RNASEL: variants seen among roughly 807,000 people sequenced by gnomAD.
RNASEL encodes the protein ribonuclease L, also known as 2-5A-dependent ribonuclease.
Under a neutral mutation model 50.9 loss-of-function variants are expected in RNASEL, and 36 were observed. The observed-to-expected ratio is 0.71, with a 90% confidence interval of 0.54 to 0.93. The LOEUF (loss-of-function observed/expected upper bound fraction) is 0.93. RNASEL is among the 40% of genes least tolerant of loss of function. RNASEL has a pLI of 0.00. For synonymous variants in RNASEL, 335 were observed against 335.6 expected (o/e 1.00, Z 0.02); for missense variants, 860 against 894.5 (o/e 0.96, Z 0.49).
chr1:182,573,975 T>C lies in RNASEL; in HGVS notation c.*1417A>G. On this transcript the variant is annotated 3_prime_UTR_variant, in exon 7 of 7. Transcript: ENST00000367559. ...TTGTTCAAATCAAGATAGTAACACT[T>C]CCTAGCTATACGTCCTAGAGGAAAT... 1 of 200,266 alleles carries C rather than the reference T, an allele frequency of 5.0e-6. No homozygotes were observed. The highest frequency in any genetic ancestry group is 1.7e-3 in the Middle Eastern group (1 of 594). 12.4% of individuals were successfully genotyped at this position (200,266 alleles called of 1,614,324 possible).
chr1:182,588,328 TAC>T (rs1299297661), intron 1 of RNASEL, among the ~76,000 whole-genome samples: 1 of 152,210 alleles, frequency 6.6e-6, no homozygotes, highest in African/African-American at 2.4e-5. Flanking sequence ...CAAAAATAAA[TAC>T]AGTCATGTGT....
Position 182,586,824 on chromosome 1 carries a change from G to C in RNASEL, c.-18C>G, listed in dbSNP as rs2102372950. 1 of 1,613,790 alleles carries C rather than the reference G, an allele frequency of 6.2e-7. No homozygotes were observed. Among genetic ancestry groups the C allele is most frequent in the Non-Finnish European group, 8.5e-7 (1 of 1,180,016 alleles). ...CTCTCCATGACGGTAAATGCCACCT[G>C]CTACCACTTTTAGCCTTTTCCTTGA... On this transcript the variant is annotated 5_prime_UTR_variant, in exon 2 of 7. Coordinates refer to ENST00000367559, the MANE Select transcript of RNASEL (RefSeq NM_021133.4).
At position 182,582,278 on chromosome 1, in the gene RNASEL, C is replaced by T. The variant is rs1162962915; in HGVS notation, c.1567-20G>A. ...AAGGTCCTGCACAAAAGCCATAAAT[C>T]AAGCCAAAGATGCTTACTAATTATT... On this transcript the variant is annotated intron_variant, in intron 3 of 6. Transcript: ENST00000367559. The T allele has an allele frequency of 1.2e-6, 2 of 1,613,918 alleles. No homozygotes were observed. The highest frequency in any genetic ancestry group is 2.2e-5 in the East Asian group (1 of 44,886).
chr1:182,585,241 C>T (rs893148212), intron 2 of RNASEL, 86 bp downstream of exon 2: 1 of 1,297,424 alleles, frequency 7.7e-7, no homozygotes, highest in Non-Finnish European at 1.1e-6. Flanking sequence ...TTACTCTAGG[C>T]CTTTCCTCTC....
At chr1:182,581,473 C>CTTTTTTTTTTTTTT (rs1011639686) in intron 4 of RNASEL, 116 bp from the exon 5 acceptor site, 13 of 294,826 alleles carry the variant, frequency 4.4e-5, no homozygotes, top group Admixed American at 1.3e-4. Context: ...GTTTTTCTTT[C>CTTTTTTTTTTTTTT]TTTTTTTTTT....
chr1:182,582,103 C>T lies in RNASEL; in HGVS notation c.1722G>A (p.Arg574=), dbSNP rs1471190088. 6.2e-7 allele frequency: 1 copy of T among 1,614,076 alleles called. No individual in the cohort carries two copies. Among genetic ancestry groups the T allele is most frequent in the Non-Finnish European group, 8.5e-7 (1 of 1,180,038 alleles). The part of the protein sequence containing the change: ...HRLFHPGEHV[R]DCLSDLLGHP... ...GACCCAGCAGGTCACTCAGACAGTC[C>T]CTCACATGTTCCCCAGGATGGAAGA... Residue 574 remains arginine, a synonymous_variant, in exon 4 of 7, where the codon AGG becomes AGA. Transcript: ENST00000367559.
At chr1:182,580,170 TA>T (rs1661465232) in intron 5 of RNASEL, among the ~76,000 whole-genome samples, 1 of 152,250 alleles carries the variant, frequency 6.6e-6, no homozygotes, top group Non-Finnish European at 1.5e-5. Flanking sequence ...TTCTACAAGT[TA>T]AAATTTTAGC....
intron 5 of RNASEL, among the ~76,000 whole-genome samples, chr1:182,577,782 T>C (rs1345988705): frequency 6.6e-6 from 1 of 151,976 alleles, no homozygotes; most frequent in Admixed American, 6.6e-5. Flanking sequence ...GGTATAAAAA[T>C]AGACACATAG....
At chr1:182,576,103 C>G (rs932327857) in intron 6 of RNASEL, among the ~76,000 whole-genome samples, 153 bp downstream of exon 6, 2 of 152,218 alleles carry the variant, frequency 1.3e-5, no homozygotes, top group Non-Finnish European at 2.9e-5. Flanking sequence ...TGTAAGGCAA[C>G]AGTGATAGCC....
chr1:182,578,842 G>A (rs1254472599), intron 5 of RNASEL: 1 of 152,184 alleles, frequency 6.6e-6, no homozygotes, highest in Non-Finnish European at 1.5e-5. Context: ...CCACCTAAGT[G>A]TCCATCAACA....
chr1:182,586,403 T>C lies in RNASEL; in HGVS notation c.404A>G (p.Tyr135Cys). Reference protein sequence around the residue: ...GFTAFMEAAVYGKVKALKFLY... With the variant: ...GFTAFMEAAVCGKVKALKFLY... ...GAATTTTAGGGCTTTGACCTTACCA[T>C]ACACAGCGGCTTCCATGAAGGCTGT... The change falls in exon 2 of 7, where the codon TAT becomes TGT. Residue 135 changes from tyrosine to cysteine, a missense_variant. Coordinates refer to ENST00000367559, the MANE Select transcript of RNASEL (RefSeq NM_021133.4). 6.2e-7 allele frequency: 1 copy of C among 1,614,190 alleles called. No individual in the cohort carries two copies. The highest frequency in any genetic ancestry group is 1.3e-5 in the African/African-American group (1 of 75,052).
chr1:182,577,738 T>C (rs1424939100), intron 5 of RNASEL, among the ~76,000 whole-genome samples: 1 of 152,128 alleles, frequency 6.6e-6, no homozygotes, highest in Non-Finnish European at 1.5e-5. Flanking sequence ...CCAATTATTG[T>C]GCAAGGCTAA....
chr1:182,578,144 A>G (rs942060503), intron 5 of RNASEL: 2 of 152,218 alleles, frequency 1.3e-5, no homozygotes, highest in African/African-American at 2.4e-5. Flanking sequence ...GGGTTTAATT[A>G]AACTAAAAAC....
intron 4 of RNASEL, 150 bp downstream of exon 4, chr1:182,581,903 G>T: frequency 2.6e-6 from 2 of 756,780 alleles, no homozygotes; most frequent in South Asian, 2.9e-5. Context: ...CTCCAGAGAG[G>T]TTAAGTCATC....
At position 182,573,866 on chromosome 1, in the gene RNASEL, G is replaced by C. The variant is rs1661336231; in HGVS notation, c.*1526C>G. 5.2e-6 allele frequency: 1 copy of C among 194,164 alleles called. No individual in the cohort carries two copies. Among genetic ancestry groups the C allele is most frequent in the Non-Finnish European group, 1.1e-5 (1 of 93,348 alleles). The allele number at this position is 194,164 out of a possible 1,614,324, so 12.0% of individuals were successfully genotyped here. A position where few individuals can be genotyped will look rare whatever the true frequency, so the allele number is the denominator to read the frequency against. On this transcript the variant is annotated 3_prime_UTR_variant, in exon 7 of 7. Transcript: ENST00000367559. ...ACCTCCTTTTCAGAAAGAACCTAAG[G>C]TACTGTTTTATTCCCATTACAAAGC...
chr1:182,581,842 G>A lies in RNASEL; in HGVS notation c.1772+211C>T, dbSNP rs1046472485. 9.9e-5 allele frequency among the ~76,000 whole-genome samples: 15 copies of A among 152,074 alleles called. 1 individual carries two copies. Among genetic ancestry groups the A allele is most frequent in the South Asian group, 2.1e-4 (1 of 4,826 alleles). On this transcript the variant is annotated intron_variant, in intron 4 of 6. Coordinates refer to ENST00000367559, the MANE Select transcript of RNASEL (RefSeq NM_021133.4). ...TTCAAAAATTCTGCATGATAGGAGA[G>A]GCAAGCATCTCTTTTTTTCCCCTCC...
Position 182,574,741 on chromosome 1 carries a change from T to C in RNASEL, c.*651A>G, listed in dbSNP as rs951242154. ...GCAAAATTGCCCCCCAGTTGAGAAC[T>C]ACTGCCTTAAGGTCATGGAAAACCA... On this transcript the variant is annotated 3_prime_UTR_variant, in exon 7 of 7. Transcript: ENST00000367559. 5.6e-5 allele frequency: 13 copies of C among 232,348 alleles called. No individual in the cohort carries two copies. The highest frequency in any genetic ancestry group is 9.3e-5 in the Non-Finnish European group (11 of 117,850). 14.4% of individuals were successfully genotyped at this position (232,348 alleles called of 1,614,324 possible).
At position 182,575,336 on chromosome 1, in the gene RNASEL, T is replaced by A. The variant is rs149140894; in HGVS notation, c.*56A>T. 3.8e-6 allele frequency: 6 copies of A among 1,579,324 alleles called. No individual in the cohort carries two copies. Among genetic ancestry groups the A allele is most frequent in the Non-Finnish European group, 4.3e-6 (5 of 1,149,680 alleles). On this transcript the variant is annotated 3_prime_UTR_variant, in exon 7 of 7. Coordinates refer to ENST00000367559, the MANE Select transcript of RNASEL (RefSeq NM_021133.4). The stretch of plus-strand genomic sequence containing the variant: ...GTTAAAAGGCCCAGAATGTTGTGAT[T>A]TGCCAAGGACTCTACAGCTAATAAG...
At chr1:182,581,174 C>T (rs538587758) in intron 5 of RNASEL, 51 bp downstream of exon 5, 2 of 1,613,164 alleles carry the variant, frequency 1.2e-6, no homozygotes, top group Admixed American at 1.7e-5. Context: ...TAAAACATTA[C>T]ACAAATTCTT....
Sources: allele counts gnomAD v4.1 joint callset (sites outside exome capture counted in the v4.1 genomes callset), GRCh38; gene constraint gnomAD v4.1.1; transcripts MANE v1.5; gene names NCBI Gene and HGNC (gene_info 2026-07-23, HGNC 2026-07-21).